Variants in UBE2L6 observed in about 807,000 individuals in gnomAD.
UBE2L6 encodes the protein ubiquitin/ISG15-conjugating enzyme E2 L6.
A neutral mutation model predicts 13.6 loss-of-function variants in UBE2L6; 11 were observed. The observed-to-expected ratio is 0.81, with a 90% CI of 0.51 to 1.34. UBE2L6 has a LOEUF of 1.34. Among genes scored for constraint, UBE2L6 ranks in the 40% most tolerant of loss-of-function variants. The pLI is 0.00. For synonymous variants in UBE2L6, 74 were observed against 83.2 expected (o/e 0.89, Z 0.60); for missense variants, 197 against 199.5 (o/e 0.99, Z 0.07).
chr11:57,565,080 T>C (rs1264995182), intron 1 of UBE2L6, among the ~76,000 whole-genome samples: 2 of 151,732 alleles, frequency 1.3e-5, no homozygotes, highest in African/African-American at 2.4e-5. Flanking sequence ...CCGTCTCTAC[T>C]AAAAATACAA....
rs1554991548 is a variant in UBE2L6 at position 57,566,957 on chromosome 11, C to CCG, written c.27+627_27+628insCG. Reference sequence around the variant, plus strand: ...TGTTCATCTCTGCCCGCCCCCCCCCCCCTCCTAGAACAGGGCCAGCACATG... The same window carrying CCG: ...TGTTCATCTCTGCCCGCCCCCCCCCCCGCCTCCTAGAACAGGGCCAGCACATG... On this transcript the variant is annotated intron_variant, in intron 1 of 3. Transcript: ENST00000287156. 7.1e-3 allele frequency: 1,558 copies of CCG among 219,788 alleles called. 6 individuals are homozygous for CCG. The highest frequency in any genetic ancestry group is 0.014 in the Middle Eastern group (20 of 1,414). The allele number at this position is 219,788 out of a possible 1,614,324, so 13.6% of individuals were successfully genotyped here. A position where few individuals can be genotyped will look rare whatever the true frequency, so the allele number is the denominator to read the frequency against.
chr11:57,565,801 C>T (rs905586372), intron 1 of UBE2L6, among the ~76,000 whole-genome samples: 2 of 152,138 alleles, frequency 1.3e-5, no homozygotes, highest in African/African-American at 4.8e-5. Context: ...GGATACATAA[C>T]AGTTATGTGA....
intron 1 of UBE2L6, among the ~76,000 whole-genome samples, chr11:57,560,777 C>G (rs559467358): frequency 6.6e-6 from 1 of 151,944 alleles, no homozygotes; most frequent in Non-Finnish European, 1.5e-5. Context: ...CCCGCCACCA[C>G]GCCCCGCTAA....
chr11:57,562,350 C>T (rs1376934989), intron 1 of UBE2L6, among the ~76,000 whole-genome samples: 3 of 152,228 alleles, frequency 2.0e-5, no homozygotes, highest in African/African-American at 7.2e-5. Context: ...CGACTCCAGG[C>T]CCTGGCCCAT....
At position 57,557,693 on chromosome 11, in the gene UBE2L6, G is replaced by A. The variant is rs537716668; in HGVS notation, c.123+2644C>T. Among the ~76,000 whole-genome samples, 14 of 152,082 alleles carry A rather than the reference G, an allele frequency of 9.2e-5. No individual in the cohort carries two copies. In the South Asian group the frequency reaches 1.7e-3, roughly 18 times the overall value. ...ATAGACGTGAGCCACCATGCCCAGC[G>A]CCATGCTTCTTGTACAGCCTGCAGA... On this transcript the variant is annotated intron_variant, in intron 2 of 3. Coordinates refer to ENST00000287156, the MANE Select transcript of UBE2L6 (RefSeq NM_004223.5).
intron 1 of UBE2L6, among the ~76,000 whole-genome samples, chr11:57,565,867 A>G (rs2135283730): frequency 6.6e-6 from 1 of 152,286 alleles, no homozygotes; most frequent in East Asian, 1.9e-4. Context: ...AACCCAGTCC[A>G]CAAGTGGGGA....
intron 1 of UBE2L6, among the ~76,000 whole-genome samples, chr11:57,564,401 C>T (rs892296934): frequency 1.3e-5 from 2 of 152,098 alleles, no homozygotes; most frequent in African/African-American, 4.8e-5. Context: ...AAAGACTTTC[C>T]CAGACAAACA....
chr11:57,554,361 A>C, intron 3 of UBE2L6, 76 bp downstream of exon 3: 1 of 1,518,200 alleles, frequency 6.6e-7, no homozygotes, highest in Non-Finnish European at 8.9e-7. Flanking sequence ...TTTCAAGCTC[A>C]GAATAAGCTG....
chr11:57,561,457 G>A (rs763415770), intron 1 of UBE2L6, among the ~76,000 whole-genome samples: 46 of 152,312 alleles, frequency 3.0e-4, no homozygotes, highest in South Asian at 1.7e-3. Flanking sequence ...ATGTGATTAT[G>A]TGAATGTGTA....
chr11:57,567,798 C>A, upstream of UBE2L6: 1 of 578,204 alleles, frequency 1.7e-6, no homozygotes, highest in Non-Finnish European at 2.8e-6. Context: ...AAGGACGACC[C>A]GCCGGACAAC....
At position 57,554,234 on chromosome 11, in the gene UBE2L6, A is replaced by G. The variant is rs1050065138; in HGVS notation, c.310+203T>C. Among the ~76,000 whole-genome samples the G allele has an allele frequency of 2.0e-5, 3 of 152,184 alleles. No individual in the cohort carries two copies. The East Asian group carries it at 5.8e-4, about 29-fold the overall frequency. ...AACCGCAGCAACGTTCCTCTGTCAC[A>G]ACTGCACAGGTATAAGAAGAGAGGC... On this transcript the variant is annotated intron_variant, in intron 3 of 3. Coordinates refer to ENST00000287156, the MANE Select transcript of UBE2L6 (RefSeq NM_004223.5).
At chr11:57,559,365 C>T (rs1049835033) in intron 2 of UBE2L6, among the ~76,000 whole-genome samples, 4 of 152,220 alleles carry the variant, frequency 2.6e-5, no homozygotes, top group Admixed American at 6.5e-5. Flanking sequence ...AATCCCAGCA[C>T]TTTAGGAGGC....
chr11:57,565,371 T>G (rs985472384), intron 1 of UBE2L6, among the ~76,000 whole-genome samples: 10 of 131,244 alleles, frequency 7.6e-5, no homozygotes, highest in Non-Finnish European at 1.3e-4. Context: ...TTTTTTTTTT[T>G]TTTTTTTTTT....
chr11:57,554,748 C>A, intron 2 of UBE2L6, 125 bp from the exon 3 acceptor site: 2 of 989,172 alleles, frequency 2.0e-6, no homozygotes. Context: ...ACACACAGCA[C>A]CTGCATTCAT....
Position 57,554,478 on chromosome 11 carries a change from A to G in UBE2L6, c.269T>C (p.Ile90Thr), listed in dbSNP as rs140267878. ...DENGQICLPI[I>T]SSENWKPCTK... is the part of the protein sequence containing the mutation. ...GCAAGGCTTCCAGTTCTCACTGCTG[A>G]TGATGGGCAGGCAAATCTGTCCGTT... Residue 90 changes from isoleucine (I) to threonine (T), a missense_variant, in exon 3 of 4, where the codon ATC becomes ACC. Coordinates refer to ENST00000287156, the MANE Select transcript of UBE2L6 (RefSeq NM_004223.5). 3 of 1,614,042 alleles carry G rather than the reference A, an allele frequency of 1.9e-6. No individual in the cohort carries two copies. Among genetic ancestry groups the G allele is most frequent in the Non-Finnish European group, 2.5e-6 (3 of 1,180,032 alleles).
chr11:57,564,410 C>G (rs1009442449), intron 1 of UBE2L6, among the ~76,000 whole-genome samples: 1 of 152,102 alleles, frequency 6.6e-6, no homozygotes, highest in Non-Finnish European at 1.5e-5. Flanking sequence ...CCCAGACAAA[C>G]AAAAGCTGAG....
chr11:57,554,684 C>A, intron 2 of UBE2L6, 61 bp from the exon 3 acceptor site: 2 of 1,590,426 alleles, frequency 1.3e-6, no homozygotes, highest in South Asian at 1.1e-5. Context: ...TGCCCCAATC[C>A]GAGGGTCCTA....
intron 3 of UBE2L6, 53 bp from the exon 4 acceptor site, chr11:57,552,562 G>A: frequency 6.2e-7 from 1 of 1,605,008 alleles, no homozygotes; most frequent in Non-Finnish European, 8.5e-7. Flanking sequence ...AGGGAGTCAT[G>A]GCTGCCCGTT....
At chr11:57,567,212 C>T (rs1034599777) in intron 1 of UBE2L6, 12 of 454,556 alleles carry the variant, frequency 2.6e-5, no homozygotes, top group Non-Finnish European at 4.7e-5. Context: ...GTGTTCATAA[C>T]CCACCACCAG....
Sources: allele counts gnomAD v4.1 joint callset (sites outside exome capture counted in the v4.1 genomes callset), GRCh38; gene constraint gnomAD v4.1.1; transcripts MANE v1.5; gene names NCBI Gene and HGNC (gene_info 2026-07-23, HGNC 2026-07-21).